Variants in MCF2L observed in about 807,000 individuals in gnomAD.
MCF2L encodes the protein guanine nucleotide exchange factor DBS.
In MCF2L, 97 loss-of-function variants were observed where a neutral mutation model predicts 153.4. The ratio of observed to expected loss-of-function variants is 0.63; its 90% confidence interval spans 0.54 to 0.75. The LOEUF is 0.75. Ranked by LOEUF, MCF2L falls within the 30% of genes least tolerant of loss-of-function variation. The pLI is 0.00. For synonymous variants in MCF2L, 659 were observed against 632.2 expected (o/e 1.04, Z -0.64); for missense variants, 1,347 against 1,495.2 (o/e 0.90, Z 1.64).
chr13:113,096,615 T>C lies in MCF2L; in HGVS notation c.3254T>C (p.Leu1085Pro). The C allele has an allele frequency of 1.3e-6, 2 of 1,598,642 alleles. No homozygotes were observed. Among genetic ancestry groups the C allele is most frequent in the Non-Finnish European group, 1.7e-6 (2 of 1,177,084 alleles). ...CCGGCCAGCAGCCTGTCCGTCCGGC[T>C]CGGCCCGTCCGGCTCGGCCCAGTGC... is the stretch of plus-strand genomic sequence containing the variant. Reference protein sequence around the residue: ...WVPASSLSVRLGPSGSAQCLS... With the variant: ...WVPASSLSVRPGPSGSAQCLS... Residue 1085 changes from leucine (L) to proline (P), a missense_variant, in exon 29 of 30, where the codon CTC (leucine) becomes CCC (proline). Leu to Pro is a moderately conservative substitution (Grantham distance 98). Coordinates refer to ENST00000535094, the MANE Select transcript of MCF2L (RefSeq NM_001112732.3).
At position 113,096,856 on chromosome 13, in the gene MCF2L, G is replaced by T. The variant is rs2035714693; in HGVS notation, c.3375G>T (p.Gly1125=). The T allele has an allele frequency of 2.8e-6, 4 of 1,448,838 alleles. No homozygotes were observed. Among genetic ancestry groups the T allele is most frequent in the Non-Finnish European group, 3.6e-6 (4 of 1,109,674 alleles). 89.7% of individuals were successfully genotyped at this position (1,448,838 alleles called of 1,614,324 possible). A position where few individuals can be genotyped will look rare whatever the true frequency, so the allele number is the denominator to read the frequency against. Reference sequence around the variant, plus strand: ...AGGCCCCCTTCTCCGACCTGCAGGGGTAGCGCGGCCTCGGCGCCGGAGACC... The same window carrying T: ...AGGCCCCCTTCTCCGACCTGCAGGGTTAGCGCGGCCTCGGCGCCGGAGACC... ...GGQAPFSDLQ[G] The change falls in exon 30 of 30, where the codon GGG becomes GGT. Residue 1125 remains glycine, a synonymous_variant. Transcript: ENST00000535094.
chr13:112,897,914 C>T (rs2081082713), intron 1 of MCF2L, among the ~76,000 whole-genome samples: 1 of 152,096 alleles, frequency 6.6e-6, no homozygotes, highest in Non-Finnish European at 1.5e-5. Flanking sequence ...GTGCCAGGGC[C>T]CAGCTGACCT....
intron 1 of MCF2L, among the ~76,000 whole-genome samples, chr13:112,976,067 G>A (rs1032609518): frequency 6.6e-6 from 1 of 152,112 alleles, no homozygotes; most frequent in African/African-American, 2.4e-5. Context: ...AAATACAACA[G>A]ATCCGATTGT....
intron 3 of MCF2L, among the ~76,000 whole-genome samples, chr13:113,030,580 C>T (rs1464486469): frequency 3.5e-5 from 5 of 143,718 alleles, no homozygotes; most frequent in African/African-American, 5.2e-5. Context: ...TGTCCGCCGA[C>T]GCAGGTGTGG....
intron 2 of MCF2L, among the ~76,000 whole-genome samples, chr13:112,925,037 T>C (rs1312074645): frequency 2.6e-5 from 4 of 152,216 alleles, no homozygotes; most frequent in Non-Finnish European, 4.4e-5. Context: ...TGGAAAAAGA[T>C]GAAAGTCAGG....
At chr13:112,985,267 T>TG in intron 1 of MCF2L, 1 of 390,832 alleles carries the variant, frequency 2.6e-6, no homozygotes, top group Non-Finnish European at 5.3e-6. Context: ...AAAAGCCAGC[T>TG]GGTCCCTCAT....
intron 1 of MCF2L, among the ~76,000 whole-genome samples, chr13:112,984,891 A>G (rs1201509442): frequency 6.6e-6 from 1 of 152,044 alleles, no homozygotes; most frequent in Non-Finnish European, 1.5e-5. Flanking sequence ...TCCAATTGCC[A>G]GTGGTGTCAG....
chr13:112,926,545 G>C (rs1037793097), intron 2 of MCF2L, among the ~76,000 whole-genome samples: 1 of 134,318 alleles, frequency 7.4e-6, no homozygotes, highest in East Asian at 2.2e-4. Context: ...ACATGCACAG[G>C]GGGGTGCTGT....
Position 112,943,809 on chromosome 13 carries a change from G to T in MCF2L, c.169+41438G>T, listed in dbSNP as rs1387131819. On this transcript the variant is annotated intron_variant, in intron 2 of 29. Transcript: ENST00000375608. The surrounding 1 kb of genome is among the most constrained non-coding windows in gnomAD (Gnocchi z 4.2). ...CCACAGACTTCAGGCGGACCGGAAGGACCTGGCGGGAGGCGTAGTAGGCGG... is the reference window on the plus strand; with the variant it reads ...CCACAGACTTCAGGCGGACCGGAAGTACCTGGCGGGAGGCGTAGTAGGCGG... Among the ~76,000 whole-genome samples, 1 of 152,066 alleles carries T rather than the reference G, an allele frequency of 6.6e-6. No homozygotes were observed. Among genetic ancestry groups the T allele is most frequent in the East Asian group, 2.0e-4 (1 of 5,126 alleles).
At chr13:113,015,649 G>A (rs2084464120) in intron 2 of MCF2L, among the ~76,000 whole-genome samples, 1 of 152,216 alleles carries the variant, frequency 6.6e-6, no homozygotes, top group Non-Finnish European at 1.5e-5. Context: ...CCCCAGGCCG[G>A]GCCTTGGGGT....
In MCF2L at chr13:113,096,245, A is replaced by C. The variant is rs917740723; in HGVS notation, c.3076-126A>C. ...TCCCAAGGCTGGAGCCCTTCCCCGG[A>C]GCTGGTCGTGGCCAGGAGCTCCCAC... On this transcript the variant is annotated intron_variant, in intron 27 of 29. Transcript: ENST00000535094. 13 of 711,250 alleles carry C rather than the reference A, an allele frequency of 1.8e-5. No individual in the cohort carries two copies. The Admixed American group carries it at 3.0e-4, about 16-fold the overall frequency. The allele number at this position is 711,250 out of a possible 1,614,324, so 44.1% of individuals were successfully genotyped here.
At chr13:112,963,563 C>T (rs2993346) in intron 2 of MCF2L, among the ~76,000 whole-genome samples, 53,603 of 152,178 alleles carry the variant, frequency 0.35, 9,634 homozygotes, top group Middle Eastern at 0.47. Context: ...TGTCTCCAGC[C>T]AGTCCTGCAT....
rs1389382081 is a variant in MCF2L at position 112,904,086 on chromosome 13, A to C, written c.169+1715A>C. Among the ~76,000 whole-genome samples the C allele has an allele frequency of 6.6e-6, 1 of 151,678 alleles. No individual in the cohort carries two copies. The highest frequency in any genetic ancestry group is 1.5e-5 in the Non-Finnish European group (1 of 67,954). On this transcript the variant is annotated intron_variant, in intron 2 of 29. Transcript: ENST00000375608. This position sits in a 1 kb window ranked among gnomAD's most constrained non-coding sequence, Gnocchi z 4.2. ...ACTGGTGCCTTTCCCTGAGCGCCCAAGTCTCGCGTGGACCAGCTCTGGGGA... is the reference window on the plus strand; with the variant it reads ...ACTGGTGCCTTTCCCTGAGCGCCCACGTCTCGCGTGGACCAGCTCTGGGGA...
chr13:113,043,150 G>C (rs572172565), intron 3 of MCF2L: 1 of 152,230 alleles, frequency 6.6e-6, no homozygotes, highest in Non-Finnish European at 1.5e-5. Flanking sequence ...ATGCCTTTGC[G>C]GGGCCCACCA....
At chr13:113,083,123 TGGGGAGCTCATGGGAAGGTGTA>T (rs1448183196) in intron 17 of MCF2L, among the ~76,000 whole-genome samples, 1 of 152,166 alleles carries the variant, frequency 6.6e-6, no homozygotes. Flanking sequence ...AACACAGTTT[TGGGGAGCTCATGGGAAGGTGTA>T]GGGTGCACAC....
rs201162083 is a variant in MCF2L at position 113,087,722 on chromosome 13, A to G, written c.2611A>G (p.Ile871Val). ...CTGCTCGCAGATGGCTGCCGTTGGC[A>G]TTACGGAGAACGTGAAGGGAGATGC... ...KQSLNMAAVG[I>V]TENVKGDAKK... The change falls in exon 23 of 30, where the codon ATT (isoleucine) becomes GTT (valine). Residue 871 changes from isoleucine (I) to valine (V), a missense_variant. Ile to Val is a conservative substitution (Grantham distance 29). Coordinates refer to ENST00000535094, the MANE Select transcript of MCF2L (RefSeq NM_001112732.3). 4 of 1,614,048 alleles carry G rather than the reference A, an allele frequency of 2.5e-6. No homozygotes were observed. The highest frequency in any genetic ancestry group is 4.5e-5 in the East Asian group (2 of 44,886).
chr13:113,087,426 TC>T lies in MCF2L; in HGVS notation c.2568del (p.Ser857ProfsTer8). ...EENGEGYEKA[P>X]SYSYKQSLNM... ...AGAATGGGGAGGGGTATGAGAAAGC[TC>T]CCTCCTACAGCTACAAGCAGTCCTT... On this transcript the variant is annotated frameshift_variant, in exon 22 of 30. Coordinates refer to ENST00000535094, the MANE Select transcript of MCF2L (RefSeq NM_001112732.3). LOFTEE classifies it high-confidence loss of function. 6.2e-7 allele frequency: 1 copy of T among 1,612,018 alleles called. No homozygotes were observed. Among genetic ancestry groups the T allele is most frequent in the East Asian group, 2.2e-5 (1 of 44,818 alleles).
chr13:113,087,190 C>T (rs767490184), intron 21 of MCF2L, 45 bp from the exon 22 acceptor site: 4 of 1,528,978 alleles, frequency 2.6e-6, no homozygotes, highest in Non-Finnish European at 3.6e-6. Flanking sequence ...TCCATGGCCC[C>T]AGGCCCATCC....
intron 12 of MCF2L, 144 bp from the exon 13 acceptor site, chr13:113,076,908 A>G (rs1453383303): frequency 1.1e-6 from 1 of 931,248 alleles, no homozygotes; most frequent in East Asian, 2.8e-5. Context: ...AGGGCTGGAC[A>G]CAGCTGCGCT....
Sources: allele counts gnomAD v4.1 joint callset (sites outside exome capture counted in the v4.1 genomes callset), GRCh38; gene constraint gnomAD v4.1.1; non-coding constraint Gnocchi (gnomAD v3.1); transcripts MANE v1.5; gene names NCBI Gene and HGNC (gene_info 2026-07-23, HGNC 2026-07-21).